CFAP20DC: variants seen among roughly 807,000 people sequenced by gnomAD.
CFAP20DC encodes CFAP20 domain containing.
In CFAP20DC, 84 loss-of-function variants were observed where a neutral mutation model predicts 101.7. The ratio of observed to expected loss-of-function variants is 0.83; its 90% confidence interval spans 0.69 to 0.99. The LOEUF is 0.99. Ranked by LOEUF, CFAP20DC falls within the 50% of genes least tolerant of loss-of-function variation. The pLI, the probability that CFAP20DC is intolerant of heterozygous loss-of-function variation, is 0.00. For synonymous variants in CFAP20DC, 359 were observed against 351.2 expected (o/e 1.02, Z -0.25); for missense variants, 1,007 against 970.3 (o/e 1.04, Z -0.50).
At chr3:59,049,251 G>A (rs1017406892) in intron 1 of CFAP20DC, among the ~76,000 whole-genome samples, 6 of 152,194 alleles carry the variant, frequency 3.9e-5, no homozygotes, top group Non-Finnish European at 5.9e-5. Flanking sequence ...AGTGTTGCAT[G>A]AATACTGAGT....
chr3:59,032,509 G>T (rs928440485), intron 4 of CFAP20DC, among the ~76,000 whole-genome samples: 1 of 151,888 alleles, frequency 6.6e-6, no homozygotes, highest in Non-Finnish European at 1.5e-5. Flanking sequence ...CGAGCTTGGT[G>T]GGGGGAGGGG....
At chr3:58,991,113 T>A (rs1199190413) in intron 4 of CFAP20DC, among the ~76,000 whole-genome samples, 1 of 152,188 alleles carries the variant, frequency 6.6e-6, no homozygotes, top group Non-Finnish European at 1.5e-5. Context: ...AGGTACACAA[T>A]CATGAACACT....
intron 4 of CFAP20DC, among the ~76,000 whole-genome samples, chr3:58,969,798 G>A (rs998357047): frequency 6.6e-5 from 10 of 152,114 alleles, no homozygotes. Flanking sequence ...CATATAGTAT[G>A]GTTCCACTTA....
chr3:58,966,203 C>T (rs1342458588), intron 4 of CFAP20DC, among the ~76,000 whole-genome samples: 1 of 152,148 alleles, frequency 6.6e-6, no homozygotes, highest in African/African-American at 2.4e-5. Flanking sequence ...TTTCTCCATG[C>T]CTTCCCTGAC....
chr3:58,880,851 G>C (rs1318323091), intron 7 of CFAP20DC, among the ~76,000 whole-genome samples: 2 of 152,102 alleles, frequency 1.3e-5, no homozygotes, highest in African/African-American at 4.8e-5. Flanking sequence ...AGATGACTGA[G>C]TTTATTGTGA....
rs2107086022 is a variant in CFAP20DC at position 58,732,825 on chromosome 3, G to C, written c.198-15197C>G. Reference sequence around the variant, plus strand: ...TTTTGAAGACACTGGTATGTCTTTGGTGAAATGTTCTATATCTATAACTTG... The same window carrying C: ...TTTTGAAGACACTGGTATGTCTTTGCTGAAATGTTCTATATCTATAACTTG... On this transcript the variant is annotated intron_variant, in intron 3 of 3. Transcript: ENST00000486145. This position sits in a 1 kb window ranked among gnomAD's most constrained non-coding sequence, Gnocchi z 5.4. Among the ~76,000 whole-genome samples the C allele has an allele frequency of 6.6e-6, 1 of 152,294 alleles. No homozygotes were observed. The highest frequency in any genetic ancestry group is 2.1e-4 in the South Asian group (1 of 4,822).
intron 4 of CFAP20DC, among the ~76,000 whole-genome samples, chr3:58,990,826 C>G (rs2108614382): frequency 6.8e-6 from 1 of 147,434 alleles, no homozygotes; most frequent in Admixed American, 6.7e-5. Flanking sequence ...AAGTCTAAAA[C>G]CTGAAACATC....
At chr3:58,753,238 T>C (rs1184414175) in intron 16 of CFAP20DC, among the ~76,000 whole-genome samples, 2 of 152,208 alleles carry the variant, frequency 1.3e-5, no homozygotes, top group Non-Finnish European at 2.9e-5. Flanking sequence ...TCTGCTTTAA[T>C]GCAAAGGTTG....
chr3:58,920,620 T>C (rs2085259650), intron 5 of CFAP20DC, among the ~76,000 whole-genome samples: 1 of 152,184 alleles, frequency 6.6e-6, no homozygotes, highest in Non-Finnish European at 1.5e-5. Context: ...CCCTTTATTA[T>C]GCTAATGTGA....
At chr3:59,034,157 TCAC>T (rs1252495561) in intron 4 of CFAP20DC, among the ~76,000 whole-genome samples, 1 of 152,156 alleles carries the variant, frequency 6.6e-6, no homozygotes, top group East Asian at 1.9e-4. Context: ...AGCGATTTTG[TCAC>T]CACAAGGCCT....
chr3:58,929,531 T>C (rs1008500846), intron 5 of CFAP20DC, among the ~76,000 whole-genome samples: 1 of 152,224 alleles, frequency 6.6e-6, no homozygotes, highest in Non-Finnish European at 1.5e-5. Context: ...ATGTCTTAAA[T>C]GGTTTAACTT....
Position 58,730,851 on chromosome 3 carries a change from T to A in CFAP20DC, c.198-13223A>T, listed in dbSNP as rs1575517805. ...AGTGTGGTTCAGTGATAACACAAAT[T>A]GAAAGGTGAATGACAACCATTTTCT... On this transcript the variant is annotated intron_variant, in intron 3 of 3. Transcript: ENST00000486145. 1.3e-5 allele frequency among the ~76,000 whole-genome samples: 2 copies of A among 152,234 alleles called. 1 individual carries two copies. The highest frequency in any genetic ancestry group is 6.8e-3 in the Middle Eastern group (2 of 294).
chr3:58,961,349 T>C (rs1323724728), intron 4 of CFAP20DC, among the ~76,000 whole-genome samples: 3 of 151,572 alleles, frequency 2.0e-5, no homozygotes, highest in African/African-American at 7.3e-5. Context: ...AGGTCAGGAG[T>C]TTGAGACAAG....
chr3:58,843,033 C>A (rs2077284116), intron 13 of CFAP20DC, among the ~76,000 whole-genome samples: 1 of 152,118 alleles, frequency 6.6e-6, no homozygotes, highest in African/African-American at 2.4e-5. Flanking sequence ...CGTCAAAGAC[C>A]AAAAGTAGAT....
At chr3:58,791,026 A>G (rs1027130258) in intron 15 of CFAP20DC, among the ~76,000 whole-genome samples, 1 of 152,146 alleles carries the variant, frequency 6.6e-6, no homozygotes, top group Non-Finnish European at 1.5e-5. Flanking sequence ...GCTCAGTATA[A>G]GGAAGATTTC....
Position 58,932,577 on chromosome 3 carries a change from G to A in CFAP20DC, c.393+5071C>T, listed in dbSNP as rs373121382. ...CCATCAGACTAACAGCTGTTCTCTCGGCAGAAACTCTACAAGCCAGAAGAG... is the reference window on the plus strand; with the variant it reads ...CCATCAGACTAACAGCTGTTCTCTCAGCAGAAACTCTACAAGCCAGAAGAG... On this transcript the variant is annotated intron_variant, in intron 5 of 16. Coordinates refer to ENST00000482387, the MANE Select transcript of CFAP20DC (RefSeq NM_001394063.1). 4.8e-3 allele frequency among the ~76,000 whole-genome samples: 726 copies of A among 152,214 alleles called. 4 individuals carry two copies. The highest frequency in any genetic ancestry group is 0.015 in the South Asian group (70 of 4,808).
intron 14 of CFAP20DC, among the ~76,000 whole-genome samples, chr3:58,823,067 C>G (rs1490134243): frequency 6.6e-6 from 1 of 152,136 alleles, no homozygotes; most frequent in Non-Finnish European, 1.5e-5. Context: ...ACTTTCCTCT[C>G]TTCATCAAAC....
rs372622202 is a variant in CFAP20DC at position 58,742,416 on chromosome 3, C to T, written c.*44G>A. 46 of 1,550,082 alleles carry T rather than the reference C, an allele frequency of 3.0e-5. No homozygotes were observed. The African/African-American group carries it at 5.2e-4, about 17-fold the overall frequency. On this transcript the variant is annotated 3_prime_UTR_variant, in exon 17 of 17. Transcript: ENST00000482387. ...CCTTAAGCGACCCTGAACTGCTATTCTGCTCCAGCTGGGAGTGCCTGCTCT... is the reference window on the plus strand; with the variant it reads ...CCTTAAGCGACCCTGAACTGCTATTTTGCTCCAGCTGGGAGTGCCTGCTCT...
At chr3:58,931,175 C>A (rs184688301) in intron 5 of CFAP20DC, among the ~76,000 whole-genome samples, 1 of 152,098 alleles carries the variant, frequency 6.6e-6, no homozygotes, top group African/African-American at 2.4e-5. Context: ...AATGCTAGCA[C>A]AGCAGTCTGA....
Sources: gnomAD v4.1 joint callset for allele counts (sites outside exome capture counted in the v4.1 genomes callset) on GRCh38, gnomAD v4.1.1 for gene constraint, Gnocchi (gnomAD v3.1) non-coding constraint, MANE v1.5 for transcripts, NCBI Gene and HGNC (gene_info 2026-07-23, HGNC 2026-07-21) for gene names.